Variants in ADD1 observed in about 807,000 individuals in gnomAD.
ADD1 encodes the protein alpha-adducin.
Under a neutral mutation model 80.5 loss-of-function variants are expected in ADD1, and 24 were observed. That is an observed-to-expected ratio of 0.30 (90% confidence interval 0.22 to 0.42). The LOEUF is 0.42. Among genes scored for constraint, ADD1 ranks in the 10% least tolerant of loss-of-function variants. The pLI, the probability that ADD1 is intolerant of heterozygous loss-of-function variation, is 1.00. For missense variants in ADD1, 948 were observed against 1,019.0 expected (o/e 0.93, Z 0.95); for synonymous variants, 373 against 393.8 (o/e 0.95, Z 0.63).
At chr4:2,848,383 G>T (rs1365769292) in intron 1 of ADD1, among the ~76,000 whole-genome samples, 1 of 152,146 alleles carries the variant, frequency 6.6e-6, no homozygotes, top group Non-Finnish European at 1.5e-5. Flanking sequence ...TTTTCTAGAA[G>T]TACCTTTTTA....
intron 2 of ADD1, among the ~76,000 whole-genome samples, chr4:2,876,693 G>A (rs1283379837): frequency 6.6e-6 from 1 of 152,100 alleles, no homozygotes; most frequent in Non-Finnish European, 1.5e-5. Context: ...AAAAAAATTA[G>A]CCAGGCGTAG....
intron 1 of ADD1, among the ~76,000 whole-genome samples, chr4:2,862,687 C>T (rs2108831161): frequency 6.6e-6 from 1 of 152,302 alleles, no homozygotes; most frequent in African/African-American, 2.4e-5. Context: ...GACTCACCTC[C>T]CCACCCCCTG....
chr4:2,929,505 G>A lies in ADD1; in HGVS notation c.*982G>A, dbSNP rs993737229. ...ATGGAGCCTGAACCGTGTGCTCCTC[G>A]GCAGATGCTGTTGTTGTTACTTCCC... On this transcript the variant is annotated 3_prime_UTR_variant, in exon 16 of 16. Transcript: ENST00000683351. The A allele has an allele frequency of 6.6e-6, 1 of 152,260 alleles. No homozygotes were observed. Among genetic ancestry groups the A allele is most frequent in the African/African-American group, 2.4e-5 (1 of 41,452 alleles). The allele number at this position is 152,260 out of a possible 1,614,324, so 9.4% of individuals were successfully genotyped here. A position where few individuals can be genotyped will look rare whatever the true frequency, so the allele number is the denominator to read the frequency against.
At chr4:2,881,841 C>T (rs1478376384) in intron 2 of ADD1, 57 bp from the exon 3 acceptor site, 1 of 1,493,714 alleles carries the variant, frequency 6.7e-7, no homozygotes, top group Admixed American at 2.3e-5. Context: ...ACTTCTGACC[C>T]CCTGCCCAAG....
intron 1 of ADD1, among the ~76,000 whole-genome samples, chr4:2,864,784 T>A (rs1377854443): frequency 6.6e-6 from 1 of 152,156 alleles, no homozygotes; most frequent in Non-Finnish European, 1.5e-5. Context: ...CTCTCAGTGA[T>A]GCTTATTATT....
intron 14 of ADD1, among the ~76,000 whole-genome samples, chr4:2,916,870 CT>C (rs2109142856): frequency 6.6e-6 from 1 of 152,282 alleles, no homozygotes; most frequent in African/African-American, 2.4e-5. Context: ...TGAACTCATC[CT>C]TTTTTATGAT....
intron 14 of ADD1, among the ~76,000 whole-genome samples, chr4:2,923,135 A>AG (rs757221504): frequency 3.3e-5 from 5 of 152,012 alleles, no homozygotes; most frequent in Non-Finnish European, 7.4e-5. Flanking sequence ...CCCCCTTTCC[A>AG]GGGGTGTGAA....
At chr4:2,847,194 A>C (rs1432579646) in intron 1 of ADD1, among the ~76,000 whole-genome samples, 1 of 152,102 alleles carries the variant, frequency 6.6e-6, no homozygotes, top group African/African-American at 2.4e-5. Context: ...AGGCTGAGGC[A>C]GGTGGATCGC....
At position 2,904,964 on chromosome 4, in the gene ADD1, C is replaced by A. The variant is rs142830875; in HGVS notation, c.1362C>A (p.Asp454Glu). 6.2e-7 allele frequency: 1 copy of A among 1,614,120 alleles called. No individual in the cohort carries two copies. The highest frequency in any genetic ancestry group is 8.5e-7 in the Non-Finnish European group (1 of 1,180,020). ...KTRWLNSGRG[D>E]EASEEGQNGS... ...GATGGCTGAACTCTGGCCGGGGCGA[C>A]GAAGCTTCCGAGGAAGGGCAGAATG... The change falls in exon 10 of 16, where the codon GAC becomes GAA. Residue 454 changes from aspartate to glutamate, a missense_variant. Asp to Glu is a conservative substitution (Grantham distance 45, BLOSUM62 2). Transcript: ENST00000683351.
At chr4:2,847,851 G>A (rs747377538) in intron 1 of ADD1, among the ~76,000 whole-genome samples, 22 of 152,132 alleles carry the variant, frequency 1.4e-4, no homozygotes, top group Non-Finnish European at 2.6e-4. Flanking sequence ...TTGAGTTTCT[G>A]ATAAGCCTTT....
At position 2,926,146 on chromosome 4, in the gene ADD1, G is replaced by C. The variant is rs1352823050; in HGVS notation, c.2047+34G>C. The stretch of plus-strand genomic sequence containing the variant: ...TGGGTGGCAGCGGCCGCCACTGTGG[G>C]AGGGTGCACGGCTCGTGCGCGCTGT... On this transcript the variant is annotated intron_variant, in intron 15 of 15. Transcript: ENST00000683351. The surrounding 1 kb of genome is among the most constrained non-coding windows in gnomAD (Gnocchi z 5.0). The C allele has an allele frequency of 6.3e-7, 1 of 1,579,920 alleles. No homozygotes were observed. Among genetic ancestry groups the C allele is most frequent in the Non-Finnish European group, 8.7e-7 (1 of 1,149,452 alleles).
At chr4:2,911,621 ATTTTTGTATT>A (rs1738073716) in intron 13 of ADD1, among the ~76,000 whole-genome samples, 1 of 151,308 alleles carries the variant, frequency 6.6e-6, no homozygotes, top group Non-Finnish European at 1.5e-5. Flanking sequence ...ACCTGGCTAA[ATTTTTGTATT>A]TTTTTGTAGA....
chr4:2,885,966 CT>C (rs1212895554), intron 4 of ADD1, among the ~76,000 whole-genome samples: 2 of 152,150 alleles, frequency 1.3e-5, no homozygotes, highest in Non-Finnish European at 2.9e-5. Context: ...TTCCTTCACT[CT>C]TTTGTAGAGA....
intron 14 of ADD1, among the ~76,000 whole-genome samples, chr4:2,916,839 T>C (rs1239057207): frequency 6.6e-6 from 1 of 152,228 alleles, no homozygotes; most frequent in Non-Finnish European, 1.5e-5. Flanking sequence ...TCCAGCTTCA[T>C]CCATATCCCT....
At chr4:2,852,667 T>TGA (rs201842957) in intron 1 of ADD1, among the ~76,000 whole-genome samples, 78,005 of 148,336 alleles carry the variant, frequency 0.53, 20,961 homozygotes, top group African/African-American at 0.6. Context: ...ACTAGGTGTT[T>TGA]TCTGTACTGT....
rs569841737 is a variant in ADD1, at chr4:2,880,568, C to T, written c.196-1330C>T. On this transcript the variant is annotated intron_variant, in intron 2 of 15. Coordinates refer to ENST00000683351, the MANE Select transcript of ADD1 (RefSeq NM_001354761.2). ...TCAGCTCACTGCAAGCTCCGCCTCCCGGGTTCACACCATTGTCCTGCCTCA... is the reference window on the plus strand; with the variant it reads ...TCAGCTCACTGCAAGCTCCGCCTCCTGGGTTCACACCATTGTCCTGCCTCA... Among the ~76,000 whole-genome samples the T allele has an allele frequency of 1.4e-4, 20 of 147,034 alleles. No homozygotes were observed. The East Asian group carries it at 4.2e-3, about 31-fold the overall frequency.
chr4:2,888,917 A>AAT (rs1406241032), intron 4 of ADD1, among the ~76,000 whole-genome samples: 1 of 152,212 alleles, frequency 6.6e-6, no homozygotes, highest in African/African-American at 2.4e-5. Context: ...TATATGAAAT[A>AAT]TGTACATATA....
chr4:2,858,130 T>G (rs985740099), intron 1 of ADD1, among the ~76,000 whole-genome samples: 8 of 152,200 alleles, frequency 5.3e-5, no homozygotes, highest in African/African-American at 1.4e-4. Flanking sequence ...AACTCTACTA[T>G]GTGGTGGAGA....
At chr4:2,904,177 C>T (rs570014340) in intron 9 of ADD1, among the ~76,000 whole-genome samples, 6 of 152,076 alleles carry the variant, frequency 3.9e-5, no homozygotes, top group South Asian at 2.1e-4. Context: ...GTGCACCTAC[C>T]GCAAGTGTTC....
Sources: allele counts gnomAD v4.1 joint callset (sites outside exome capture counted in the v4.1 genomes callset), GRCh38; gene constraint gnomAD v4.1.1; non-coding constraint Gnocchi (gnomAD v3.1); transcripts MANE v1.5; gene names NCBI Gene and HGNC (gene_info 2026-07-23, HGNC 2026-07-21).